EPHA3: variants seen among roughly 807,000 people sequenced by gnomAD.
EPHA3 encodes the protein ephrin type-A receptor 3.
In EPHA3, 42 loss-of-function variants were observed where a neutral mutation model predicts 107.1. The observed-to-expected ratio is 0.39, with a 90% CI of 0.31 to 0.51. The LOEUF (loss-of-function observed/expected upper bound fraction) is 0.51, where lower values mean the gene tolerates loss of function less well. Ranked by LOEUF, EPHA3 falls within the 20% of genes least tolerant of loss-of-function variation. EPHA3 has a pLI of 0.78. For synonymous variants in EPHA3, 461 were observed against 424.8 expected, an observed-to-expected ratio of 1.09 and a Z score of -1.05; for missense variants, 1,183 against 1,211.2, an observed-to-expected ratio of 0.98 and a Z score of 0.35.
intron 16 of EPHA3, among the ~76,000 whole-genome samples, chr3:89,475,411 T>C (rs1228180117): frequency 6.6e-6 from 1 of 152,188 alleles, no homozygotes; most frequent in African/African-American, 2.4e-5. Context: ...TGTCAAAGTA[T>C]AGGAAAAGAT....
At chr3:89,211,666 TTCCTCC>T (rs144015652) in intron 3 of EPHA3, among the ~76,000 whole-genome samples, 6 of 147,816 alleles carry the variant, frequency 4.1e-5, no homozygotes, top group Non-Finnish European at 4.5e-5. Context: ...CCTCTTCCTC[TTCCTCC>T]TCCTCCTCCT....
rs1576356532 is a variant in EPHA3 at position 89,395,955 on chromosome 3, T to C, written c.1425T>C (p.Tyr475=). 6.2e-7 allele frequency: 1 copy of C among 1,613,760 alleles called. No individual in the cohort carries two copies. The highest frequency in any genetic ancestry group is 8.5e-7 in the Non-Finnish European group (1 of 1,179,832). ...TATTGGACTACGAGGTCAAATACTA[T>C]GAAAAGGTGGGGAAACAATGTTTAA... ...GIILDYEVKY[Y]EKQEQETSYT... The change falls in exon 6 of 17, where the codon TAT becomes TAC. Residue 475 remains tyrosine, a synonymous_variant. Coordinates refer to ENST00000336596, the MANE Select transcript of EPHA3 (RefSeq NM_005233.6).
At chr3:89,129,974 A>G (rs1224870611) in intron 2 of EPHA3, among the ~76,000 whole-genome samples, 2 of 152,220 alleles carry the variant, frequency 1.3e-5, no homozygotes, top group Admixed American at 6.5e-5. Context: ...GGAAAAAATC[A>G]TAATAACAAT....
At position 89,137,374 on chromosome 3, in the gene EPHA3, T is replaced by C. The variant is rs137966141; in HGVS notation, c.153+10101T>C. Reference sequence around the variant, plus strand: ...CTTATTTAAAATATTGCCTCCTTTATGAAAATTTTTAATTATTTGGACCCT... The same window carrying C: ...CTTATTTAAAATATTGCCTCCTTTACGAAAATTTTTAATTATTTGGACCCT... On this transcript the variant is annotated intron_variant, in intron 2 of 16. Transcript: ENST00000336596. 8.7e-3 allele frequency among the ~76,000 whole-genome samples: 1,319 copies of C among 152,074 alleles called. 9 individuals carry two copies. Among genetic ancestry groups the C allele is most frequent in the East Asian group, 0.027 (142 of 5,172 alleles).
intron 5 of EPHA3, among the ~76,000 whole-genome samples, chr3:89,359,824 T>TATATACAC (rs1252966859): frequency 3.5e-4 from 42 of 119,740 alleles, no homozygotes; most frequent in Non-Finnish European, 5.0e-4. Flanking sequence ...TATATATACA[T>TATATACAC]ATATATATAC....
intron 6 of EPHA3, among the ~76,000 whole-genome samples, chr3:89,396,204 T>A (rs1336235194): frequency 6.6e-6 from 1 of 152,224 alleles, no homozygotes; most frequent in African/African-American, 2.4e-5. Context: ...TCCAGTTACT[T>A]ATGGCAATAG....
In EPHA3 at chr3:89,479,671, C is replaced by A. The variant is rs562057208; in HGVS notation, c.*169C>A. 4 of 541,910 alleles carry A rather than the reference C, an allele frequency of 7.4e-6. No individual in the cohort carries two copies. In the East Asian group the frequency reaches 1.2e-4, roughly 16 times the overall value. The allele number at this position is 541,910 out of a possible 1,614,324, so 33.6% of individuals were successfully genotyped here. On this transcript the variant is annotated 3_prime_UTR_variant, in exon 17 of 17. Transcript: ENST00000336596. ...ATGGAATTGAAAAACTCTTTATTTT[C>A]CCCTATCATTTATTGGATGGGTGGG... is the stretch of plus-strand genomic sequence containing the variant.
At position 89,422,192 on chromosome 3, in the gene EPHA3, AACACACACAC is replaced by A. The variant is rs56370135; in HGVS notation, c.2074+2834_2074+2843del. On this transcript the variant is annotated intron_variant, in intron 11 of 16. Transcript: ENST00000336596. ...ACAATAAAGTTGATATGTTGTATTTAACACACACACACACACACACACACACACACACACA... is the reference window on the plus strand; with the variant it reads ...ACAATAAAGTTGATATGTTGTATTTAACACACACACACACACACACACACA... Among the ~76,000 whole-genome samples, 1,211 of 140,572 alleles carry A rather than the reference AACACACACAC, an allele frequency of 8.6e-3. 16 individuals are homozygous for A. The highest frequency in any genetic ancestry group is 0.03 in the African/African-American group (1,147 of 38,228). 92.2% of individuals were successfully genotyped at this position (140,572 alleles called of 152,430 possible).
At chr3:89,410,057 G>A (rs1438006541) in intron 9 of EPHA3, among the ~76,000 whole-genome samples, 5 of 151,870 alleles carry the variant, frequency 3.3e-5, no homozygotes, top group South Asian at 2.1e-4. Context: ...TATGTGCCTC[G>A]CAGCCTGAAT....
chr3:89,146,930 C>G (rs908177376), intron 2 of EPHA3, among the ~76,000 whole-genome samples: 14 of 151,802 alleles, frequency 9.2e-5, no homozygotes, highest in Non-Finnish European at 2.1e-4. Context: ...AAACTTGGAA[C>G]CAACCCAAAT....
At chr3:89,123,176 G>A (rs1256684608) in intron 1 of EPHA3, among the ~76,000 whole-genome samples, 2 of 151,994 alleles carry the variant, frequency 1.3e-5, no homozygotes, top group Admixed American at 6.6e-5. Flanking sequence ...AGATAGTTTC[G>A]CTCTGTTTCC....
At chr3:89,374,280 T>A (rs1027443892) in intron 5 of EPHA3, among the ~76,000 whole-genome samples, 1 of 151,880 alleles carries the variant, frequency 6.6e-6, no homozygotes, top group Admixed American at 6.6e-5. Context: ...GCCATGTAGA[T>A]TTTTGCAGAA....
intron 3 of EPHA3, among the ~76,000 whole-genome samples, chr3:89,239,850 A>G (rs1199486871): frequency 6.6e-6 from 1 of 152,168 alleles, no homozygotes; most frequent in Non-Finnish European, 1.5e-5. Context: ...TTCCTGTCTC[A>G]CTGGCTGACT....
intron 5 of EPHA3, among the ~76,000 whole-genome samples, chr3:89,367,255 C>T (rs1486550686): frequency 1.3e-5 from 2 of 150,722 alleles, no homozygotes; most frequent in South Asian, 2.1e-4. Flanking sequence ...TATTTATATA[C>T]ACGTATGGAA....
At chr3:89,317,591 T>C (rs1706938836) in intron 3 of EPHA3, among the ~76,000 whole-genome samples, 1 of 151,830 alleles carries the variant, frequency 6.6e-6, no homozygotes, top group Admixed American at 6.6e-5. Flanking sequence ...AGACCTATGA[T>C]ATATTGTAGG....
chr3:89,408,454 A>G (rs573236770), intron 9 of EPHA3, among the ~76,000 whole-genome samples: 1 of 152,192 alleles, frequency 6.6e-6, no homozygotes, highest in East Asian at 1.9e-4. Context: ...TTTCCTTATT[A>G]CTAGTCCTTT....
Position 89,252,396 on chromosome 3 carries a change from A to G in EPHA3, c.814+41876A>G, listed in dbSNP as rs191393353. 2.9e-4 allele frequency among the ~76,000 whole-genome samples: 44 copies of G among 152,316 alleles called. No homozygotes were observed. The East Asian group carries it at 3.5e-3, about 12-fold the overall frequency. ...AGTACGGACGTAAAATAGATTTGGT[A>G]TAAAAACAATCCATATTCTATTTAC... On this transcript the variant is annotated intron_variant, in intron 3 of 16. Transcript: ENST00000336596.
At chr3:89,299,800 T>C (rs1431478333) in intron 3 of EPHA3, among the ~76,000 whole-genome samples, 1 of 151,978 alleles carries the variant, frequency 6.6e-6, no homozygotes, top group East Asian at 1.9e-4. Context: ...TGTCTAACAC[T>C]GTATATGAAA....
At chr3:89,169,244 T>G (rs1179192174) in intron 2 of EPHA3, among the ~76,000 whole-genome samples, 11 of 139,896 alleles carry the variant, frequency 7.9e-5, no homozygotes, top group Non-Finnish European at 1.1e-4. Context: ...ATTATACATG[T>G]TTTTTTTTCT....
Sources: gnomAD v4.1 joint callset for allele counts (sites outside exome capture counted in the v4.1 genomes callset) on GRCh38, gnomAD v4.1.1 for gene constraint, MANE v1.5 for transcripts, NCBI Gene and HGNC (gene_info 2026-07-23, HGNC 2026-07-21) for gene names.